The following SLC4A4 variants were observed in gnomAD, a reference collection of about 807,000 sequenced individuals.
SLC4A4 encodes solute carrier family 4 member 4.
In SLC4A4, 27 loss-of-function variants were observed where a neutral mutation model predicts 111.5. The observed-to-expected ratio is 0.24, with a 90% CI of 0.18 to 0.33. The LOEUF (loss-of-function observed/expected upper bound fraction) is 0.33, where lower values mean the gene tolerates loss of function less well. SLC4A4 is among the 10% of genes least tolerant of loss of function. The probability of loss-of-function intolerance (pLI) is 1.00; values close to 1 mark genes in which losing one functional copy is unlikely to be tolerated. For missense variants in SLC4A4, 909 were observed against 1,315.5 expected (o/e 0.69, Z 4.78); for synonymous variants, 443 against 463.4 (o/e 0.96, Z 0.57).
chr4:71,433,747 A>C (rs2149045205), intron 7 of SLC4A4, among the ~76,000 whole-genome samples: 1 of 152,216 alleles, frequency 6.6e-6, no homozygotes, highest in South Asian at 2.1e-4. Context: ...CAGGAATTCT[A>C]CTTTTAGTTA....
chr4:71,079,673 G>A (rs575163007), intron 1 of SLC4A4, among the ~76,000 whole-genome samples: 1 of 152,052 alleles, frequency 6.6e-6, no homozygotes, highest in Non-Finnish European at 1.5e-5. Context: ...CTACTCGGGA[G>A]GCTGTGGTGG....
intron 3 of SLC4A4, among the ~76,000 whole-genome samples, chr4:71,285,152 C>T (rs558187353): frequency 6.6e-6 from 1 of 152,284 alleles, no homozygotes; most frequent in African/African-American, 2.4e-5. Flanking sequence ...GCCTTAAGCA[C>T]TGCATCAAGG....
intron 2 of SLC4A4, among the ~76,000 whole-genome samples, chr4:71,142,664 TTTC>T (rs2148967058): frequency 6.6e-6 from 1 of 152,206 alleles, no homozygotes; most frequent in Non-Finnish European, 1.5e-5. Context: ...TTGCAGCATC[TTTC>T]TGTTGTTCTT....
intron 13 of SLC4A4, among the ~76,000 whole-genome samples, chr4:71,467,437 T>C (rs1032262038): frequency 6.6e-6 from 1 of 152,098 alleles, no homozygotes; most frequent in Non-Finnish European, 1.5e-5. Context: ...CCTAGGCACT[T>C]TACATGTACT....
intron 7 of SLC4A4, among the ~76,000 whole-genome samples, chr4:71,425,148 C>G (rs1288431237): frequency 6.6e-6 from 1 of 152,056 alleles, no homozygotes; most frequent in Non-Finnish European, 1.5e-5. Flanking sequence ...TGGTATTTGT[C>G]CAGGCTATTC....
At chr4:71,181,935 G>A (rs1745306358) in intron 2 of SLC4A4, among the ~76,000 whole-genome samples, 1 of 152,270 alleles carries the variant, frequency 6.6e-6, no homozygotes, top group Admixed American at 6.5e-5. Flanking sequence ...AGGGAGTGCT[G>A]TTATCATTAC....
intron 3 of SLC4A4, among the ~76,000 whole-genome samples, chr4:71,307,325 C>T (rs547092087): frequency 2.6e-5 from 4 of 152,356 alleles, no homozygotes; most frequent in African/African-American, 9.6e-5. Flanking sequence ...CCCCATGCCT[C>T]ACTGAGACTC....
chr4:71,199,125 G>T (rs892002462), intron 1 of SLC4A4, among the ~76,000 whole-genome samples: 7 of 152,128 alleles, frequency 4.6e-5, no homozygotes, highest in Admixed American at 3.9e-4. Context: ...ATAATTTCCT[G>T]TTCTTTGATG....
chr4:71,254,918 TATGACAAAC>T (rs1380564667), intron 2 of SLC4A4, among the ~76,000 whole-genome samples: 1 of 152,082 alleles, frequency 6.6e-6, no homozygotes, highest in Non-Finnish European at 1.5e-5. Context: ...GATGGCAGAG[TATGACAAAC>T]ATGAAGGATT....
rs201017330 is a variant in SLC4A4 at position 71,288,553 on chromosome 4, C to CA, written c.253+33155dup. On this transcript the variant is annotated intron_variant, in intron 3 of 25. Coordinates refer to ENST00000264485, the MANE Select transcript of SLC4A4 (RefSeq NM_001098484.3). Reference sequence around the variant, plus strand: ...AGCTGGGATTACAGGTGTGTGCCACCATGCCTGCCTAATTTTTGTGTTTTT... The same window carrying CA: ...AGCTGGGATTACAGGTGTGTGCCACCAATGCCTGCCTAATTTTTGTGTTTTT... Among the ~76,000 whole-genome samples the CA allele has an allele frequency of 2.3e-3, 350 of 152,176 alleles. 6 individuals carry two copies. Among genetic ancestry groups the CA allele is most frequent in the Admixed American group, 0.022 (337 of 15,286 alleles).
intron 6 of SLC4A4, among the ~76,000 whole-genome samples, chr4:71,362,527 GT>G (rs1449502629): frequency 1.3e-5 from 2 of 152,176 alleles, no homozygotes; most frequent in African/African-American, 4.8e-5. Flanking sequence ...TTGAATAGGA[GT>G]GGTTTCTGGA....
chr4:71,553,903 CA>C, intron 20 of SLC4A4, among the ~76,000 whole-genome samples: 1 of 151,868 alleles, frequency 6.6e-6, no homozygotes, highest in African/African-American at 2.4e-5. Context: ...TTTCTGACAT[CA>C]AGAGCAAAAT....
At chr4:71,153,175 T>C (rs923673508) in intron 2 of SLC4A4, among the ~76,000 whole-genome samples, 2 of 151,764 alleles carry the variant, frequency 1.3e-5, no homozygotes, top group Non-Finnish European at 2.9e-5. Context: ...ACCTGGAGTC[T>C]GATGTTTGAG....
rs185446367 is a variant in SLC4A4, at chr4:71,168,331, G to A, written c.-1-68245G>A. ...CAAGTAGCTGGAATTCCAGGCCCAC[G>A]CCACTGTGCCTGGCTAATTTTTTGT... On this transcript the variant is annotated intron_variant, in intron 2 of 26. Coordinates refer to the SLC4A4 transcript ENST00000649996. Among the ~76,000 whole-genome samples, 565 of 151,684 alleles carry A rather than the reference G, an allele frequency of 3.7e-3. 4 individuals carry two copies. Among genetic ancestry groups the A allele is most frequent in the Admixed American group, 9.1e-3 (139 of 15,228 alleles).
At chr4:71,406,264 T>C (rs1720841006) in intron 7 of SLC4A4, among the ~76,000 whole-genome samples, 1 of 152,066 alleles carries the variant, frequency 6.6e-6, no homozygotes, top group Non-Finnish European at 1.5e-5. Context: ...GAGTGCTTTA[T>C]TAGGAGCTTT....
intron 3 of SLC4A4, among the ~76,000 whole-genome samples, chr4:71,337,872 C>T (rs1172670627): frequency 6.6e-6 from 1 of 151,886 alleles, no homozygotes; most frequent in African/African-American, 2.4e-5. Context: ...CTTTGTCACC[C>T]AGGCTGGAGT....
chr4:71,393,422 C>G (rs1244238272), intron 6 of SLC4A4, among the ~76,000 whole-genome samples: 6 of 151,742 alleles, frequency 4.0e-5, no homozygotes, highest in Admixed American at 6.6e-5. Flanking sequence ...ACAATAGCTG[C>G]AAAAAAATAA....
chr4:71,066,149 C>T (rs557372100), intron 1 of SLC4A4, among the ~76,000 whole-genome samples: 14 of 152,126 alleles, frequency 9.2e-5, no homozygotes, highest in Non-Finnish European at 1.8e-4. Context: ...AATATTTAAT[C>T]TTTGCAACAG....
At chr4:71,410,663 G>A (rs1202693240) in intron 7 of SLC4A4, among the ~76,000 whole-genome samples, 1 of 152,152 alleles carries the variant, frequency 6.6e-6, no homozygotes, top group Non-Finnish European at 1.5e-5. Context: ...AAGACTTTGA[G>A]GGACTGTTGG....
Sources: gnomAD v4.1 joint callset for allele counts (sites outside exome capture counted in the v4.1 genomes callset) on GRCh38, gnomAD v4.1.1 for gene constraint, MANE v1.5 for transcripts, NCBI Gene and HGNC (gene_info 2026-07-23, HGNC 2026-07-21) for gene names.